ABTB3: variants seen among roughly 807,000 people sequenced by gnomAD.
ABTB3 encodes the protein ankyrin repeat- and BTB/POZ domain-containing protein 3.
chr12:107,534,835 G>A, the ABTB3 span, among the ~76,000 whole-genome samples: 2 of 152,110 alleles, frequency 1.3e-5, no homozygotes, highest in Non-Finnish European at 2.9e-5. Context: ...GGACTGGATG[G>A]CTTTACTGCT....
the ABTB3 span, among the ~76,000 whole-genome samples, chr12:107,411,301 C>G: frequency 9.6e-4 from 146 of 152,106 alleles, no homozygotes; most frequent in Middle Eastern, 6.8e-3. Context: ...TCCGTCTCCC[C>G]CCTCCAAAAA....
chr12:107,392,742 G>C, the ABTB3 span, among the ~76,000 whole-genome samples: 1 of 152,206 alleles, frequency 6.6e-6, no homozygotes, highest in Non-Finnish European at 1.5e-5. Context: ...GGCTCTGTGA[G>C]GTGGGAAATC....
chr12:107,498,744 C>T, the ABTB3 span, among the ~76,000 whole-genome samples: 10 of 152,122 alleles, frequency 6.6e-5, no homozygotes, highest in African/African-American at 2.4e-4. Flanking sequence ...CTCTCTGTAT[C>T]CCAATGTCAG....
At chr12:107,426,698 C>A in the ABTB3 span, among the ~76,000 whole-genome samples, 2 of 152,244 alleles carry the variant, frequency 1.3e-5, no homozygotes, top group African/African-American at 4.8e-5. Flanking sequence ...GTCGGCACTG[C>A]CTTGACACCA....
chr12:107,420,681 T>TGTGCTGGAAA, the ABTB3 span, among the ~76,000 whole-genome samples: 1 of 152,178 alleles, frequency 6.6e-6, no homozygotes, highest in Non-Finnish European at 1.5e-5. Context: ...GGCAGCACAT[T>TGTGCTGGAAA]GTGCTGGAAA....
the ABTB3 span, among the ~76,000 whole-genome samples, chr12:107,638,767 A>T: frequency 9.2e-5 from 14 of 152,230 alleles, no homozygotes; most frequent in Admixed American, 9.2e-4. Flanking sequence ...TCTGTGATGG[A>T]GTATAATGGG....
At chr12:107,611,825 T>C in the ABTB3 span, among the ~76,000 whole-genome samples, 1 of 152,234 alleles carries the variant, frequency 6.6e-6, no homozygotes, top group Non-Finnish European at 1.5e-5. Flanking sequence ...GCTTTACTGT[T>C]TTTCTTCTTT....
the ABTB3 span, among the ~76,000 whole-genome samples, chr12:107,363,629 C>G: frequency 3.9e-5 from 6 of 152,194 alleles, no homozygotes; most frequent in African/African-American, 1.4e-4. Context: ...GCAGCCACCT[C>G]TGTTGTAACC....
chr12:107,349,482 T>G, the ABTB3 span, among the ~76,000 whole-genome samples: 2 of 152,210 alleles, frequency 1.3e-5, no homozygotes, highest in South Asian at 2.1e-4. Flanking sequence ...ACATTGAGCA[T>G]GCAGATGGAA....
chr12:107,400,739 A>AC, the ABTB3 span, among the ~76,000 whole-genome samples: 33 of 151,156 alleles, frequency 2.2e-4, no homozygotes, highest in African/African-American at 5.4e-4. Flanking sequence ...AGAGACTTAC[A>AC]CCCCCCCGCA....
the ABTB3 span, among the ~76,000 whole-genome samples, chr12:107,378,692 G>A: frequency 6.6e-6 from 1 of 152,102 alleles, no homozygotes; most frequent in Admixed American, 6.5e-5. Context: ...CGCCTTCCCT[G>A]TTTCCCTTGT....
the ABTB3 span, among the ~76,000 whole-genome samples, chr12:107,485,201 G>T: frequency 6.6e-6 from 1 of 152,142 alleles, no homozygotes; most frequent in African/African-American, 2.4e-5. Context: ...CAACCCCTAT[G>T]ATTCCAAATT....
chr12:107,515,689 A>C, the ABTB3 span, among the ~76,000 whole-genome samples: 6 of 152,314 alleles, frequency 3.9e-5, no homozygotes, highest in African/African-American at 1.4e-4. Context: ...TGAGCTGAAC[A>C]GGAGAATGAC....
chr12:107,480,291 A>T, the ABTB3 span, among the ~76,000 whole-genome samples: 1 of 152,148 alleles, frequency 6.6e-6, no homozygotes, highest in Non-Finnish European at 1.5e-5. Flanking sequence ...AAAAAAAAAA[A>T]TGTTATCCTA....
chr12:107,542,325 A>AAAAAAAAAAAG, the ABTB3 span, among the ~76,000 whole-genome samples: 7 of 151,904 alleles, frequency 4.6e-5, no homozygotes, highest in African/African-American at 4.8e-5. Context: ...AAAAAAAAAA[A>AAAAAAAAAAAG]TTAACCATCA....
the ABTB3 span, among the ~76,000 whole-genome samples, chr12:107,525,831 T>G: frequency 6.6e-6 from 1 of 152,248 alleles, no homozygotes. Context: ...CCACTATTTC[T>G]GGAGCACCTA....
At chr12:107,523,876 G>A in the ABTB3 span, among the ~76,000 whole-genome samples, 1 of 152,080 alleles carries the variant, frequency 6.6e-6, no homozygotes, top group Non-Finnish European at 1.5e-5. Flanking sequence ...TAGCTTTGTG[G>A]GACAACCCCA....
the ABTB3 span, among the ~76,000 whole-genome samples, chr12:107,501,111 G>A: frequency 1.4e-3 from 211 of 152,238 alleles, no homozygotes; most frequent in Non-Finnish European, 2.1e-3. Context: ...AATAATAACA[G>A]CAACTGCAGA....
the ABTB3 span, among the ~76,000 whole-genome samples, chr12:107,621,426 G>A: frequency 1.2e-4 from 18 of 149,280 alleles, no homozygotes; most frequent in Middle Eastern, 3.4e-3. Context: ...CTGTCTTAGT[G>A]AGAAACATTC....
Sources: gnomAD v4.1 joint callset for allele counts (sites outside exome capture counted in the v4.1 genomes callset) on GRCh38, gnomAD v4.1.1 for gene constraint, MANE v1.5 for transcripts, NCBI Gene and HGNC (gene_info 2026-07-23, HGNC 2026-07-21) for gene names.